Variants in DBNDD1 observed in about 807,000 individuals in gnomAD.
The protein encoded by DBNDD1 is dysbindin domain containing 1, also known as dysbindin domain-containing protein 1.
DBNDD1 carries 14 observed loss-of-function variants against 17.0 expected under a neutral mutation model. The observed-to-expected ratio is 0.82, with a 90% CI of 0.54 to 1.29. DBNDD1 has a LOEUF of 1.29. Among genes scored for constraint, DBNDD1 ranks in the 50% most tolerant of loss-of-function variants. The probability of loss-of-function intolerance (pLI) is 0.00; values close to 1 mark genes in which losing one functional copy is unlikely to be tolerated. For synonymous variants in DBNDD1, 105 were observed against 102.0 expected (o/e 1.03, Z -0.18); for missense variants, 221 against 216.2 (o/e 1.02, Z -0.14).
intron 1 of DBNDD1, chr16:90,011,604 T>G (rs1175926854): frequency 1.1e-5 from 5 of 451,944 alleles, no homozygotes; most frequent in Admixed American, 4.7e-5. Context: ...AGAAGCCGAG[T>G]GCTGTGTCAT....
At chr16:90,014,880 C>T (rs998838070) in intron 1 of DBNDD1, among the ~76,000 whole-genome samples, 4 of 151,998 alleles carry the variant, frequency 2.6e-5, no homozygotes, top group Non-Finnish European at 5.9e-5. Context: ...TGGTACGTGC[C>T]TGTAGTCCCA....
Position 90,019,247 on chromosome 16 carries a change from A to G in DBNDD1, c.31+64T>C. 1.3e-5 allele frequency: 11 copies of G among 823,096 alleles called. No individual in the cohort carries two copies. Among genetic ancestry groups the G allele is most frequent in the Non-Finnish European group, 1.4e-5 (9 of 622,294 alleles). The allele number at this position is 823,096 out of a possible 1,614,324, so 51.0% of individuals were successfully genotyped here. A position where few individuals can be genotyped will look rare whatever the true frequency, so the allele number is the denominator to read the frequency against. The stretch of plus-strand genomic sequence containing the variant: ...GCGGCGAAGGGTGAGCCCTGGGGGG[A>G]GGGGCTGCGGCTCGCTGCGGGGAAG... On this transcript the variant is annotated intron_variant, in intron 1 of 3. Coordinates refer to ENST00000002501, the MANE Select transcript of DBNDD1 (RefSeq NM_001042610.3). The surrounding 1 kb of genome is among the most constrained non-coding windows in gnomAD (Gnocchi z 6.1).
At chr16:90,007,203 C>T (rs1045500704) in intron 3 of DBNDD1, 1 of 152,474 alleles carries the variant, frequency 6.6e-6, no homozygotes, top group Non-Finnish European at 1.5e-5. Context: ...CTCCCAGACA[C>T]CTGGGGCTGC....
In DBNDD1 at chr16:90,009,224, G is replaced by A. The variant is rs116645408; in HGVS notation, c.178+60C>T. 1.5e-4 allele frequency: 240 copies of A among 1,600,128 alleles called. No homozygotes were observed. The African/African-American group carries it at 2.8e-3, about 19-fold the overall frequency. On this transcript the variant is annotated intron_variant, in intron 2 of 3. Coordinates refer to ENST00000002501, the MANE Select transcript of DBNDD1 (RefSeq NM_001042610.3). ...GACAGGAGGTGGACCCTGCTGCCTTGTCTCTTGGGGGAGCTCACGGGGTCC... is the reference window on the plus strand; with the variant it reads ...GACAGGAGGTGGACCCTGCTGCCTTATCTCTTGGGGGAGCTCACGGGGTCC...
At position 90,019,260 on chromosome 16, in the gene DBNDD1, C is replaced by T. The variant is rs1358964722; in HGVS notation, c.31+51G>A. 6.6e-6 allele frequency: 7 copies of T among 1,060,156 alleles called. No individual in the cohort carries two copies. Among genetic ancestry groups the T allele is most frequent in the African/African-American group, 4.9e-5 (3 of 60,900 alleles). 65.7% of individuals were successfully genotyped at this position (1,060,156 alleles called of 1,614,324 possible). On this transcript the variant is annotated intron_variant, in intron 1 of 3. Transcript: ENST00000002501. This position sits in a 1 kb window ranked among gnomAD's most constrained non-coding sequence, Gnocchi z 6.1. ...AGCCCTGGGGGGAGGGGCTGCGGCT[C>T]GCTGCGGGGAAGCGCTGCGCGGGGG...
rs573520107 is a variant in DBNDD1, at chr16:90,006,115, C to T, written c.*220G>A. 1.1e-4 allele frequency: 70 copies of T among 656,996 alleles called. 1 individual carries two copies. In the Admixed American group the frequency reaches 1.8e-3, roughly 17 times the overall value. 40.7% of individuals were successfully genotyped at this position (656,996 alleles called of 1,614,324 possible). ...GAGGCATCCGGGGGCCCCGTGTGTC[C>T]CCCAGGAAAGCCGGCTGGTCTCCAA... On this transcript the variant is annotated 3_prime_UTR_variant, in exon 4 of 4. Transcript: ENST00000002501.
chr16:90,016,684 T>C (rs1288211544), intron 1 of DBNDD1, among the ~76,000 whole-genome samples: 2 of 152,108 alleles, frequency 1.3e-5, no homozygotes, highest in East Asian at 1.9e-4. Context: ...TGAGGGCTGA[T>C]TGCTGATGCC....
intron 2 of DBNDD1, 102 bp downstream of exon 2, chr16:90,009,182 C>T (rs1384448296): frequency 1.3e-6 from 2 of 1,510,056 alleles, no homozygotes; most frequent in African/African-American, 2.8e-5. Flanking sequence ...GGACCTAGAC[C>T]CCCCAGGGAG....
chr16:90,009,865 C>T, intron 1 of DBNDD1: 3 of 1,248,938 alleles, frequency 2.4e-6, no homozygotes, highest in Non-Finnish European at 3.4e-6. Context: ...CCAGAACAGC[C>T]CCTCTCCACT....
chr16:90,014,514 G>GAT (rs1567835820), intron 1 of DBNDD1, among the ~76,000 whole-genome samples: 6 of 151,606 alleles, frequency 4.0e-5, no homozygotes, highest in African/African-American at 1.2e-4. Flanking sequence ...TGAGATGGAG[G>GAT]TCCCAAGCAG....
At chr16:90,012,093 C>A (rs2035564513) in intron 1 of DBNDD1, among the ~76,000 whole-genome samples, 1 of 152,252 alleles carries the variant, frequency 6.6e-6, no homozygotes, top group Non-Finnish European at 1.5e-5. Flanking sequence ...AGGGCGTAGC[C>A]CTGTCCTAGC....
At position 90,006,278 on chromosome 16, in the gene DBNDD1, G is replaced by A. The variant is rs1325713859; in HGVS notation, c.*57C>T. On this transcript the variant is annotated 3_prime_UTR_variant, in exon 4 of 4. Transcript: ENST00000002501. ...GTGTCTGCTGGGTCAGCACTGCCCA[G>A]ATCTGCCATCGTGTTCGGACCCCAT... The A allele has an allele frequency of 6.5e-7, 1 of 1,546,750 alleles. No individual in the cohort carries two copies. The highest frequency in any genetic ancestry group is 2.3e-5 in the East Asian group (1 of 42,896).
In DBNDD1 at chr16:90,006,549, C is replaced by T. The variant is rs114239041; in HGVS notation, c.320-57G>A. ...GGCTGAGAGGCCTGGGTGGATGCTG[C>T]GGAGCTCCAGGTGCCGCCGGCCTCC... On this transcript the variant is annotated intron_variant, in intron 3 of 3. Transcript: ENST00000002501. 1,778 of 1,565,936 alleles carry T rather than the reference C, an allele frequency of 1.1e-3. 17 individuals are homozygous for T. The African/African-American group carries it at 0.02, about 18-fold the overall frequency.
chr16:90,010,148 C>G (rs993388910), intron 1 of DBNDD1: 7 of 1,091,018 alleles, frequency 6.4e-6, no homozygotes, highest in Non-Finnish European at 9.5e-6. Flanking sequence ...TGGGTTTGAG[C>G]GATTCTCCTG....
At chr16:90,015,382 A>G (rs573490541) in intron 1 of DBNDD1, among the ~76,000 whole-genome samples, 1 of 152,320 alleles carries the variant, frequency 6.6e-6, no homozygotes, top group African/African-American at 2.4e-5. Context: ...GACTGAGCCT[A>G]CTGTGTAATA....
chr16:90,013,936 G>A (rs965562227), intron 1 of DBNDD1, among the ~76,000 whole-genome samples: 1 of 150,662 alleles, frequency 6.6e-6, no homozygotes, highest in Non-Finnish European at 1.5e-5. Flanking sequence ...GGGGCGGGGG[G>A]GGACATGCAT....
At chr16:90,006,677 G>T in intron 3 of DBNDD1, 185 bp from the exon 4 acceptor site, 1 of 767,444 alleles carries the variant, frequency 1.3e-6, no homozygotes, top group South Asian at 1.8e-5. Flanking sequence ...CACCAGAGAG[G>T]TGGATGTTGT....
At position 90,005,357 on chromosome 16, in the gene DBNDD1, A is replaced by C. The variant is rs1257577312; in HGVS notation, c.*978T>G. 6.6e-6 allele frequency: 1 copy of C among 152,304 alleles called. No individual in the cohort carries two copies. The highest frequency in any genetic ancestry group is 1.5e-5 in the Non-Finnish European group (1 of 68,082). The allele number at this position is 152,304 out of a possible 1,614,324, so 9.4% of individuals were successfully genotyped here. ...TGAGCTTCAGCATATAAGCATTGGG[A>C]GGGTGTGAGCTGGGGCTCCCAGACA... On this transcript the variant is annotated 3_prime_UTR_variant, in exon 4 of 4. Coordinates refer to ENST00000002501, the MANE Select transcript of DBNDD1 (RefSeq NM_001042610.3).
At position 90,008,860 on chromosome 16, in the gene DBNDD1, G is replaced by T; in HGVS notation, c.243C>A (p.Thr81=). 6.2e-7 allele frequency: 1 copy of T among 1,602,280 alleles called. No homozygotes were observed. The highest frequency in any genetic ancestry group is 8.5e-7 in the Non-Finnish European group (1 of 1,172,926). ...CGGCCAGCTCCTGGTCCGACATGTC[G>T]GTGAGCTCAGTGAGGTCCAGGAGGT... ...HFDLLDLTEL[T]DMSDQELAEV... is the part of the protein sequence containing the mutation. Residue 81 remains threonine, a synonymous_variant, in exon 3 of 4, where the codon ACC becomes ACA. Transcript: ENST00000002501.
Sources: gnomAD v4.1 joint callset for allele counts (sites outside exome capture counted in the v4.1 genomes callset) on GRCh38, gnomAD v4.1.1 for gene constraint, Gnocchi (gnomAD v3.1) non-coding constraint, MANE v1.5 for transcripts, NCBI Gene and HGNC (gene_info 2026-07-23, HGNC 2026-07-21) for gene names.